The following ZNF407 variants were observed in gnomAD, a reference collection of about 807,000 sequenced individuals.
ZNF407 encodes the protein zinc finger protein 407.
In ZNF407, 17 loss-of-function variants were observed where a neutral mutation model predicts 131.2. The observed-to-expected ratio is 0.13, with a 90% CI of 0.09 to 0.19. The LOEUF (loss-of-function observed/expected upper bound fraction) is 0.19. ZNF407 is among the 10% of genes least tolerant of loss of function. The pLI is 1.00. For missense variants in ZNF407, 2,681 were observed against 2,830.6 expected, an observed-to-expected ratio of 0.95 and a Z score of 1.20; for synonymous variants, 1,156 against 1,062.0, an observed-to-expected ratio of 1.09 and a Z score of -1.72.
chr18:75,007,754 A>G (rs983462154), intron 8 of ZNF407, among the ~76,000 whole-genome samples: 31 of 152,170 alleles, frequency 2.0e-4, no homozygotes, highest in African/African-American at 7.5e-4. Flanking sequence ...TGCTGCCTTC[A>G]CAGAGTTCTT....
intron 8 of ZNF407, among the ~76,000 whole-genome samples, chr18:75,053,057 G>A (rs1025125247): frequency 3.3e-5 from 5 of 152,166 alleles, no homozygotes; most frequent in Non-Finnish European, 4.4e-5. Flanking sequence ...GAATCGTGTG[G>A]TCCTGTAATT....
At chr18:74,778,739 G>T (rs531837137) in intron 3 of ZNF407, among the ~76,000 whole-genome samples, 4 of 152,204 alleles carry the variant, frequency 2.6e-5, no homozygotes, top group South Asian at 2.1e-4. Flanking sequence ...AATGCTCCGG[G>T]AAGGCATGAC....
intron 8 of ZNF407, among the ~76,000 whole-genome samples, chr18:74,934,764 C>T (rs1972020982): frequency 6.6e-6 from 1 of 152,148 alleles, no homozygotes; most frequent in Non-Finnish European, 1.5e-5. Context: ...CGAGATCATG[C>T]CACTGCACTC....
chr18:74,666,906 T>TTA, intron 3 of ZNF407, among the ~76,000 whole-genome samples: 1 of 47,264 alleles, frequency 2.1e-5, no homozygotes, highest in Non-Finnish European at 6.0e-5. Context: ...CTGTTTTTGG[T>TTA]CACAGAATAT....
At chr18:75,001,601 A>G (rs927616414) in intron 8 of ZNF407, among the ~76,000 whole-genome samples, 45 of 152,370 alleles carry the variant, frequency 3.0e-4, no homozygotes, top group African/African-American at 1.0e-3. Context: ...AATGCGTTCA[A>G]CCCAGCACAC....
At chr18:74,888,223 A>G (rs1216033535) in intron 6 of ZNF407, among the ~76,000 whole-genome samples, 1 of 152,156 alleles carries the variant, frequency 6.6e-6, no homozygotes, top group Non-Finnish European at 1.5e-5. Context: ...GTTGAGAAAA[A>G]TATTACTATA....
chr18:74,791,714 T>G (rs1174520805), intron 4 of ZNF407, among the ~76,000 whole-genome samples: 4 of 152,188 alleles, frequency 2.6e-5, no homozygotes, highest in Non-Finnish European at 5.9e-5. Flanking sequence ...ATCTTACCAC[T>G]TAGAATGCTG....
chr18:74,715,391 C>T (rs930340162), intron 3 of ZNF407, among the ~76,000 whole-genome samples: 8 of 152,118 alleles, frequency 5.3e-5, no homozygotes, highest in Admixed American at 2.0e-4. Flanking sequence ...CATATTGTGG[C>T]GAAAGGTATA....
chr18:75,062,839 A>C, intron 8 of ZNF407: 2 of 236,094 alleles, frequency 8.5e-6, no homozygotes, highest in Non-Finnish European at 1.6e-5. Context: ...GGGGGGAGGT[A>C]TCCAGCCTCC....
chr18:74,968,268 T>C lies in ZNF407; in HGVS notation c.5428+47576T>C, dbSNP rs1047824445. On this transcript the variant is annotated intron_variant, in intron 8 of 8. Transcript: ENST00000299687. ...GAGGTATGGAAATCTCACTTCCATT[T>C]AGGGACCTTAACTTCCCAGCTTTTA... Among the ~76,000 whole-genome samples, 4 of 152,238 alleles carry C rather than the reference T, an allele frequency of 2.6e-5. No individual in the cohort carries two copies. The South Asian group carries it at 6.2e-4, about 24-fold the overall frequency.
intron 6 of ZNF407, among the ~76,000 whole-genome samples, chr18:74,882,618 T>C (rs1325214420): frequency 6.6e-6 from 1 of 152,204 alleles, no homozygotes; most frequent in Non-Finnish European, 1.5e-5. Context: ...TGAGTTATCA[T>C]TGAGTTAATG....
At chr18:75,060,537 GCT>G (rs1427507054) in intron 8 of ZNF407, among the ~76,000 whole-genome samples, 13 of 122,626 alleles carry the variant, frequency 1.1e-4, no homozygotes, top group African/African-American at 4.1e-4. Context: ...ACGGAGTCTC[GCT>G]CTGTCGCCCA....
intron 3 of ZNF407, among the ~76,000 whole-genome samples, chr18:74,647,856 C>T (rs1439568747): frequency 2.6e-5 from 4 of 152,202 alleles, no homozygotes; most frequent in African/African-American, 7.2e-5. Flanking sequence ...AGGACGAGCT[C>T]TGCTGAGGAG....
At chr18:74,820,865 T>G (rs1201328664) in intron 4 of ZNF407, among the ~76,000 whole-genome samples, 2 of 152,080 alleles carry the variant, frequency 1.3e-5, no homozygotes, top group East Asian at 1.9e-4. Flanking sequence ...AAACTAGGGA[T>G]GGTAAATCAG....
chr18:74,870,691 A>T (rs1184088896), intron 4 of ZNF407, among the ~76,000 whole-genome samples: 1 of 152,208 alleles, frequency 6.6e-6, no homozygotes, highest in Non-Finnish European at 1.5e-5. Context: ...ACGTACACAC[A>T]CAAATGTTTA....
intron 3 of ZNF407, among the ~76,000 whole-genome samples, chr18:74,662,848 T>G (rs1985772025): frequency 6.6e-6 from 1 of 152,238 alleles, no homozygotes; most frequent in South Asian, 2.1e-4. Flanking sequence ...AGATGAGAAC[T>G]GTCTGCCTAA....
chr18:75,052,958 G>A (rs2122269334), intron 8 of ZNF407, among the ~76,000 whole-genome samples: 1 of 152,336 alleles, frequency 6.6e-6, no homozygotes, highest in Non-Finnish European at 1.5e-5. Flanking sequence ...AGTGTTGCCT[G>A]TTTAACAAAG....
intron 8 of ZNF407, among the ~76,000 whole-genome samples, chr18:75,016,393 C>T (rs1321412686): frequency 6.6e-6 from 1 of 152,054 alleles, no homozygotes; most frequent in Non-Finnish European, 1.5e-5. Context: ...CAACTTATTT[C>T]ACCATAAGAA....
intron 3 of ZNF407, among the ~76,000 whole-genome samples, chr18:74,774,017 C>G (rs1177864783): frequency 6.6e-6 from 1 of 152,064 alleles, no homozygotes; most frequent in Non-Finnish European, 1.5e-5. Flanking sequence ...AAGGAAGAAC[C>G]CAACAGTAAG....
Sources: allele counts gnomAD v4.1 joint callset (sites outside exome capture counted in the v4.1 genomes callset), GRCh38; gene constraint gnomAD v4.1.1; transcripts MANE v1.5; gene names NCBI Gene and HGNC (gene_info 2026-07-23, HGNC 2026-07-21).